The following HEMK2 variants were observed in gnomAD, a reference collection of about 807,000 sequenced individuals.
The protein encoded by HEMK2 is HemK methyltransferase 2, ETF1 glutamine and histone H4 lysine, also known as methyltransferase HEMK2.
At chr21:28,604,038 G>C in the HEMK2 span, among the ~76,000 whole-genome samples, 5 of 152,186 alleles carry the variant, frequency 3.3e-5, no homozygotes, top group African/African-American at 1.2e-4. Context: ...AGAATTAAAG[G>C]ATTCTGTGGC....
At chr21:28,817,046 AAG>A in the HEMK2 span, among the ~76,000 whole-genome samples, 4 of 152,344 alleles carry the variant, frequency 2.6e-5, no homozygotes, top group South Asian at 8.3e-4. Flanking sequence ...TCCAGTGAAA[AAG>A]AAAATGCTAA....
chr21:28,784,902 T>C, the HEMK2 span, among the ~76,000 whole-genome samples: 1 of 152,246 alleles, frequency 6.6e-6, no homozygotes, highest in Non-Finnish European at 1.5e-5. Flanking sequence ...TAAATCTTGC[T>C]GCTGCTCACT....
the HEMK2 span, among the ~76,000 whole-genome samples, chr21:28,854,775 T>C: frequency 6.6e-6 from 1 of 152,198 alleles, no homozygotes; most frequent in African/African-American, 2.4e-5. Context: ...GGTGATTAGA[T>C]TGTGCCCATC....
the HEMK2 span, among the ~76,000 whole-genome samples, chr21:28,865,367 T>C: frequency 6.6e-6 from 1 of 152,170 alleles, no homozygotes; most frequent in African/African-American, 2.4e-5. Context: ...GGATTCACCC[T>C]ATTGGCCAGG....
At chr21:28,744,801 G>T in the HEMK2 span, among the ~76,000 whole-genome samples, 34,797 of 152,104 alleles carry the variant, frequency 0.23, 4,616 homozygotes, top group African/African-American at 0.35. Context: ...AAAACCATAT[G>T]TTAGAACCAT....
the HEMK2 span, among the ~76,000 whole-genome samples, chr21:28,767,834 T>C: frequency 2.0e-5 from 3 of 152,040 alleles, no homozygotes; most frequent in East Asian, 3.9e-4. Flanking sequence ...TTCTTTAACA[T>C]TGGCTCATGA....
chr21:28,869,440 C>T, the HEMK2 span, among the ~76,000 whole-genome samples: 1 of 152,036 alleles, frequency 6.6e-6, no homozygotes, highest in South Asian at 2.1e-4. Context: ...TAACCCTTAT[C>T]TGGTTTTGTT....
At chr21:28,774,135 TAA>T in the HEMK2 span, among the ~76,000 whole-genome samples, 1 of 152,080 alleles carries the variant, frequency 6.6e-6, no homozygotes. Context: ...ATCTTCAAAA[TAA>T]AAGAGATTGA....
At chr21:28,844,836 A>G in the HEMK2 span, among the ~76,000 whole-genome samples, 1 of 152,192 alleles carries the variant, frequency 6.6e-6, no homozygotes, top group East Asian at 1.9e-4. Flanking sequence ...TTTTTTGGAC[A>G]TATGGATTCA....
At chr21:28,827,996 T>C in the HEMK2 span, among the ~76,000 whole-genome samples, 1 of 152,222 alleles carries the variant, frequency 6.6e-6, no homozygotes, top group African/African-American at 2.4e-5. Context: ...TATTCTTATA[T>C]ATGTATATGT....
chr21:28,667,221 T>G, the HEMK2 span, among the ~76,000 whole-genome samples: 1 of 152,206 alleles, frequency 6.6e-6, no homozygotes, highest in African/African-American at 2.4e-5. Context: ...CTCATTGTCA[T>G]GAACTCATGG....
the HEMK2 span, among the ~76,000 whole-genome samples, chr21:28,762,884 A>G: frequency 1.3e-5 from 2 of 152,136 alleles, no homozygotes; most frequent in African/African-American, 4.8e-5. Flanking sequence ...AGCAAAAGAG[A>G]ATGGACTAAG....
At chr21:28,589,894 C>G in the HEMK2 span, among the ~76,000 whole-genome samples, 1 of 152,260 alleles carries the variant, frequency 6.6e-6, no homozygotes, top group South Asian at 2.1e-4. Flanking sequence ...GCAGTCAAAA[C>G]TCAGGTGCAT....
chr21:28,667,254 T>C, the HEMK2 span, among the ~76,000 whole-genome samples: 2 of 152,198 alleles, frequency 1.3e-5, no homozygotes, highest in Non-Finnish European at 2.9e-5. Context: ...TGTGTTGTTT[T>C]GACAGATTTT....
At chr21:28,632,640 A>G in the HEMK2 span, among the ~76,000 whole-genome samples, 2 of 152,184 alleles carry the variant, frequency 1.3e-5, no homozygotes, top group South Asian at 4.1e-4. Context: ...CTCTGTCCAC[A>G]CGGTAAAATA....
the HEMK2 span, among the ~76,000 whole-genome samples, chr21:28,638,385 G>A: frequency 1.3e-5 from 2 of 152,128 alleles, no homozygotes; most frequent in African/African-American, 2.4e-5. Context: ...CAAATTAAGT[G>A]TTTCCACATT....
the HEMK2 span, among the ~76,000 whole-genome samples, chr21:28,742,720 GT>G: frequency 6.6e-6 from 1 of 152,006 alleles, no homozygotes; most frequent in Non-Finnish European, 1.5e-5. Flanking sequence ...CGACACAGTG[GT>G]TTTGTTCTAA....
At chr21:28,586,822 A>C in the HEMK2 span, among the ~76,000 whole-genome samples, 1 of 152,112 alleles carries the variant, frequency 6.6e-6, no homozygotes, top group East Asian at 1.9e-4. Context: ...GTCTTCTCAC[A>C]GGGGGGTAAT....
At chr21:28,637,388 C>T in the HEMK2 span, among the ~76,000 whole-genome samples, 1 of 151,656 alleles carries the variant, frequency 6.6e-6, no homozygotes, top group Non-Finnish European at 1.5e-5. Flanking sequence ...ATTAAAAGAT[C>T]ACTTGGATAC....
Sources: gnomAD v4.1 joint callset for allele counts (sites outside exome capture counted in the v4.1 genomes callset) on GRCh38, gnomAD v4.1.1 for gene constraint, MANE v1.5 for transcripts, NCBI Gene and HGNC (gene_info 2026-07-23, HGNC 2026-07-21) for gene names.